Variants in IQCM observed in about 807,000 individuals in gnomAD.
The protein encoded by IQCM is IQ motif containing M, also known as IQ domain-containing protein M.
A neutral mutation model predicts 57.6 loss-of-function variants in IQCM; 45 were observed. The observed-to-expected ratio is 0.78, with a 90% CI of 0.62 to 1.00. The LOEUF (loss-of-function observed/expected upper bound fraction) is 1.00. IQCM is among the 50% of genes least tolerant of loss of function. IQCM has a pLI of 0.00. For synonymous variants in IQCM, 148 were observed against 158.9 expected, an observed-to-expected ratio of 0.93 and a Z score of 0.51; for missense variants, 468 against 511.6, an observed-to-expected ratio of 0.91 and a Z score of 0.82.
intron 13 of IQCM, among the ~76,000 whole-genome samples, chr4:149,429,030 T>A (rs184601957): frequency 1.1e-4 from 17 of 152,000 alleles, no homozygotes; most frequent in Admixed American, 4.6e-4. Context: ...TTCATTTGTA[T>A]TCCCTAAGTG....
chr4:149,808,437 C>T (rs1023373693), intron 2 of IQCM, among the ~76,000 whole-genome samples: 1 of 151,862 alleles, frequency 6.6e-6, no homozygotes, highest in African/African-American at 2.4e-5. Context: ...CTAATGAGTA[C>T]AAAAATACAG....
intron 12 of IQCM, among the ~76,000 whole-genome samples, chr4:149,461,054 G>C (rs1032451415): frequency 1.3e-5 from 2 of 151,992 alleles, no homozygotes; most frequent in Non-Finnish European, 1.5e-5. Context: ...GACAGACATG[G>C]AGAAACCCAG....
chr4:149,363,759 C>G (rs1729651326), intron 13 of IQCM, among the ~76,000 whole-genome samples: 1 of 152,116 alleles, frequency 6.6e-6, no homozygotes, highest in Non-Finnish European at 1.5e-5. Flanking sequence ...TTTTAATAAT[C>G]TGCAAACATG....
intron 13 of IQCM, among the ~76,000 whole-genome samples, chr4:149,422,571 TA>T (rs1362986041): frequency 1.3e-5 from 2 of 152,166 alleles, no homozygotes; most frequent in East Asian, 1.9e-4. Flanking sequence ...TTACTTTTCA[TA>T]AAAAGCCAGG....
At chr4:149,367,057 A>G (rs1032686640) in intron 13 of IQCM, among the ~76,000 whole-genome samples, 1 of 151,924 alleles carries the variant, frequency 6.6e-6, no homozygotes, top group African/African-American at 2.4e-5. Flanking sequence ...TATTATCTCA[A>G]TTTTTCTGTT....
intron 7 of IQCM, among the ~76,000 whole-genome samples, chr4:149,672,676 G>T (rs982895694): frequency 2.0e-5 from 3 of 152,186 alleles, no homozygotes; most frequent in Admixed American, 1.3e-4. Flanking sequence ...GTGACAGGGA[G>T]AGTGGAACCA....
At chr4:149,736,193 C>T (rs1169644872) in intron 3 of IQCM, among the ~76,000 whole-genome samples, 1 of 152,116 alleles carries the variant, frequency 6.6e-6, no homozygotes, top group Non-Finnish European at 1.5e-5. Context: ...AGCAATCTAC[C>T]TGCCTTGGCC....
chr4:149,666,985 C>G (rs923392967), intron 7 of IQCM, among the ~76,000 whole-genome samples: 7 of 152,164 alleles, frequency 4.6e-5, no homozygotes, highest in Admixed American at 2.6e-4. Flanking sequence ...GGGGAAGGGA[C>G]AGCTGTGGGC....
At chr4:149,786,773 T>C (rs1243716771) in intron 2 of IQCM, among the ~76,000 whole-genome samples, 1 of 152,184 alleles carries the variant, frequency 6.6e-6, no homozygotes, top group Admixed American at 6.5e-5. Context: ...AGTATGGTGA[T>C]TCCTCCAGGG....
intron 12 of IQCM, among the ~76,000 whole-genome samples, chr4:149,477,811 G>C (rs957583932): frequency 2.6e-5 from 4 of 152,054 alleles, no homozygotes; most frequent in East Asian, 1.9e-4. Context: ...AAAAATGAGA[G>C]GGTATACTGG....
At chr4:149,463,097 A>T (rs569289523) in intron 12 of IQCM, among the ~76,000 whole-genome samples, 2 of 152,302 alleles carry the variant, frequency 1.3e-5, no homozygotes, top group African/African-American at 2.4e-5. Context: ...GTTAGGAAAA[A>T]TTTTTTAAAA....
chr4:149,462,480 C>T (rs575347818), intron 12 of IQCM, among the ~76,000 whole-genome samples: 16 of 152,226 alleles, frequency 1.1e-4, no homozygotes, highest in South Asian at 2.1e-4. Context: ...GGAATAGATG[C>T]AAATGAAAAA....
At chr4:149,676,353 G>A (rs1367851839) in intron 7 of IQCM, among the ~76,000 whole-genome samples, 9 of 152,040 alleles carry the variant, frequency 5.9e-5, no homozygotes, top group African/African-American at 1.9e-4. Context: ...ACAGTAATAT[G>A]TCCTTTAGGA....
intron 5 of IQCM, among the ~76,000 whole-genome samples, chr4:149,707,558 C>A (rs775832958): frequency 2.6e-5 from 4 of 151,932 alleles, no homozygotes; most frequent in Non-Finnish European, 4.4e-5. Flanking sequence ...GGACAAAGAG[C>A]GAGCTTGCTC....
At chr4:149,443,500 T>C (rs1437147933) in intron 12 of IQCM, among the ~76,000 whole-genome samples, 1 of 151,900 alleles carries the variant, frequency 6.6e-6, no homozygotes, top group Admixed American at 6.6e-5. Flanking sequence ...TGTAATCAAG[T>C]TTTATATGAA....
intron 13 of IQCM, among the ~76,000 whole-genome samples, chr4:149,389,774 G>A (rs951193848): frequency 7.3e-5 from 11 of 151,504 alleles, no homozygotes; most frequent in African/African-American, 2.7e-4. Context: ...GAGTTAGTGG[G>A]TGCAGCGCAC....
chr4:149,384,881 A>C (rs1731311241), intron 13 of IQCM, among the ~76,000 whole-genome samples: 1 of 152,088 alleles, frequency 6.6e-6, no homozygotes, highest in Non-Finnish European at 1.5e-5. Context: ...GAAAACATTA[A>C]GAATTTCCTC....
intron 8 of IQCM, among the ~76,000 whole-genome samples, chr4:149,592,309 T>A (rs1291454569): frequency 1.3e-5 from 2 of 152,122 alleles, no homozygotes; most frequent in Non-Finnish European, 2.9e-5. Flanking sequence ...GTTGTTTGAT[T>A]TTTTTTCTTG....
At chr4:149,668,961 G>C (rs1462814427) in intron 7 of IQCM, among the ~76,000 whole-genome samples, 1 of 152,112 alleles carries the variant, frequency 6.6e-6, no homozygotes, top group Admixed American at 6.6e-5. Flanking sequence ...AGAATAAAGA[G>C]ATATCACTAC....
Sources: allele counts gnomAD v4.1 joint callset (sites outside exome capture counted in the v4.1 genomes callset), GRCh38; gene constraint gnomAD v4.1.1; transcripts MANE v1.5; gene names NCBI Gene and HGNC (gene_info 2026-07-23, HGNC 2026-07-21).